The following LTBP2 variants were observed in gnomAD, a reference collection of about 807,000 sequenced individuals.
The protein encoded by LTBP2 is latent-transforming growth factor beta-binding protein 2.
In LTBP2, 103 loss-of-function variants were observed where a neutral mutation model predicts 210.6. That is an observed-to-expected ratio of 0.49 (90% CI 0.42 to 0.58). LTBP2 has a LOEUF of 0.58. LTBP2 is among the 20% of genes least tolerant of loss of function. The pLI, the probability that LTBP2 is intolerant of heterozygous loss-of-function variation, is 0.00. For missense variants in LTBP2, 2,313 were observed against 2,494.5 expected (o/e 0.93, Z 1.55); for synonymous variants, 1,007 against 1,015.0 (o/e 0.99, Z 0.15).
intron 2 of LTBP2, among the ~76,000 whole-genome samples, chr14:74,598,810 C>T (rs1005218988): frequency 1.1e-4 from 16 of 152,142 alleles, no homozygotes; most frequent in Admixed American, 7.9e-4. Context: ...CATTAAAATA[C>T]CAGCTAAACT....
At chr14:74,558,448 C>T (rs969987342) in intron 3 of LTBP2, among the ~76,000 whole-genome samples, 5 of 152,202 alleles carry the variant, frequency 3.3e-5, no homozygotes, top group Admixed American at 6.5e-5. Context: ...TCCAAGAAAG[C>T]GCCTGGGAGA....
intron 3 of LTBP2, among the ~76,000 whole-genome samples, chr14:74,571,006 T>C (rs1048388821): frequency 3.0e-4 from 45 of 149,052 alleles, no homozygotes; most frequent in Admixed American, 2.6e-3. Context: ...TACAGAACCA[T>C]GAACCAAATA....
chr14:74,501,093 C>T (rs986134120), intron 35 of LTBP2, 64 bp from the exon 36 acceptor site: 4 of 1,556,236 alleles, frequency 2.6e-6, no homozygotes, highest in Non-Finnish European at 3.5e-6. Flanking sequence ...GCCTCCACCT[C>T]TCTGGTTAGT....
At chr14:74,506,467 G>C (rs2086986465) in intron 27 of LTBP2, among the ~76,000 whole-genome samples, 1 of 152,230 alleles carries the variant, frequency 6.6e-6, no homozygotes, top group African/African-American at 2.4e-5. Context: ...GAGGCTCTGA[G>C]GCTTGAGGAC....
intron 2 of LTBP2, among the ~76,000 whole-genome samples, chr14:74,597,058 C>T (rs1400774082): frequency 6.6e-6 from 1 of 152,126 alleles, no homozygotes; most frequent in Non-Finnish European, 1.5e-5. Flanking sequence ...AATGCAAAAA[C>T]AAAATAGAAG....
At chr14:74,561,038 C>T (rs1197454269) in intron 3 of LTBP2, among the ~76,000 whole-genome samples, 1 of 152,176 alleles carries the variant, frequency 6.6e-6, no homozygotes, top group African/African-American at 2.4e-5. Context: ...AAGAGTGTTA[C>T]TAAAGATGCA....
chr14:74,604,177 A>AAAAAAAAAAAAAAAAAAAAAC (rs2088491132), intron 1 of LTBP2, among the ~76,000 whole-genome samples: 2 of 151,142 alleles, frequency 1.3e-5, no homozygotes, highest in African/African-American at 4.9e-5. Context: ...AAAAAAAAAA[A>AAAAAAAAAAAAAAAAAAAAAC]AAAAAAACCA....
Position 74,501,524 on chromosome 14 carries a change from C to T in LTBP2, c.5237G>A (p.Gly1746Asp). Residue 1746 changes from glycine to aspartate, a missense_variant, in exon 35 of 36, where the codon GGC (glycine) becomes GAC (aspartate). Transcript: ENST00000261978. Reference sequence around the variant, plus strand: ...GCCCTCCCGCACGCGCACACAGCGGCCATTCTCACAGCCGTTCAGGATGCC... The same window carrying T: ...GCCCTCCCGCACGCGCACACAGCGGTCATTCTCACAGCCGTTCAGGATGCC... ...ECGILNGCEN[G>D]RCVRVREGYT... The T allele has an allele frequency of 6.2e-7, 1 of 1,614,194 alleles. No homozygotes were observed. The highest frequency in any genetic ancestry group is 8.5e-7 in the Non-Finnish European group (1 of 1,180,048).
At chr14:74,522,964 G>T in intron 15 of LTBP2, 46 bp from the exon 16 acceptor site, 1 of 1,595,944 alleles carries the variant, frequency 6.3e-7, no homozygotes, top group South Asian at 1.1e-5. Context: ...GGTGGGTGCT[G>T]GACAAAGGCA....
intron 12 of LTBP2, 136 bp from the exon 13 acceptor site, chr14:74,527,502 A>C: frequency 2.1e-6 from 2 of 933,298 alleles, no homozygotes; most frequent in Non-Finnish European, 3.3e-6. Flanking sequence ...GAAAGCGTGG[A>C]CTCTTCTTAC....
intron 8 of LTBP2, among the ~76,000 whole-genome samples, chr14:74,540,223 A>G (rs1218959766): frequency 6.6e-6 from 1 of 152,180 alleles, no homozygotes; most frequent in Non-Finnish European, 1.5e-5. Flanking sequence ...CTGTAATCCC[A>G]GCACTTTTGG....
chr14:74,511,644 C>T (rs1049937088), intron 18 of LTBP2, among the ~76,000 whole-genome samples: 5 of 152,194 alleles, frequency 3.3e-5, no homozygotes, highest in Non-Finnish European at 1.5e-5. Context: ...TCAGAGGCTC[C>T]ACTTTGTGAG....
rs1183802428 is a variant in LTBP2, at chr14:74,611,923, G to C, written c.22C>G (p.Arg8Gly). MRPRTKA[R>G]SPGRALRNPW... ...TTCCGCAGGGCGCGCCCCGGGCTGC[G>C]GGCTTTGGTCCGCGGCCTCATGGCG... Residue 8 changes from arginine (R) to glycine (G), a missense_variant, in exon 1 of 36, where the codon CGC becomes GGC. Arg to Gly is a moderately radical substitution (Grantham distance 125, BLOSUM62 -2). This residue lies in a region of LTBP2 where 1,867 missense variants were observed against 1,976.9 expected (regional missense o/e 0.94). Coordinates refer to ENST00000261978, the MANE Select transcript of LTBP2 (RefSeq NM_000428.3). 1.9e-6 allele frequency: 3 copies of C among 1,589,754 alleles called. No individual in the cohort carries two copies. Among genetic ancestry groups the C allele is most frequent in the Non-Finnish European group, 2.6e-6 (3 of 1,172,140 alleles).
intron 17 of LTBP2, among the ~76,000 whole-genome samples, chr14:74,519,484 T>C (rs1011678723): frequency 2.0e-5 from 3 of 151,214 alleles, no homozygotes; most frequent in Non-Finnish European, 4.4e-5. Flanking sequence ...GTAAATAATT[T>C]ATCTTATTGA....
rs562333691 is a variant in LTBP2, at chr14:74,504,032, G to A, written c.4476C>T (p.Phe1492=). 6.7e-5 allele frequency: 108 copies of A among 1,613,994 alleles called. No homozygotes were observed. Among genetic ancestry groups the A allele is most frequent in the Admixed American group, 3.2e-4 (19 of 60,018 alleles). ...MYTDADECVI[F]GPGLCPNGRC... ...GGCCGTTCGGGCAGAGACCAGGCCC[G>A]AATATCACACACTCATCCGCATCTG... The change falls in exon 31 of 36, where the codon TTC becomes TTT. Residue 1492 remains phenylalanine, a synonymous_variant. Transcript: ENST00000261978.
intron 3 of LTBP2, among the ~76,000 whole-genome samples, chr14:74,566,082 A>T (rs1193927509): frequency 4.0e-5 from 6 of 149,062 alleles, no homozygotes; most frequent in African/African-American, 1.3e-4. Flanking sequence ...TTTTTTTTTT[A>T]ATTTTTTTTA....
chr14:74,529,141 G>A lies in LTBP2; in HGVS notation c.1988-19C>T, dbSNP rs542301495. 1.4e-5 allele frequency: 22 copies of A among 1,551,126 alleles called. No homozygotes were observed. In the East Asian group the frequency reaches 2.2e-4, roughly 15 times the overall value. On this transcript the variant is annotated intron_variant, in intron 10 of 35. Coordinates refer to ENST00000261978, the MANE Select transcript of LTBP2 (RefSeq NM_000428.3). Reference sequence around the variant, plus strand: ...TTGTCCGCTGCAACAGACACAGCACGTGGAGGTGGGCAGGTGGCCAGTGGG... The same window carrying A: ...TTGTCCGCTGCAACAGACACAGCACATGGAGGTGGGCAGGTGGCCAGTGGG...
rs760404952 is a variant in LTBP2 at position 74,552,975 on chromosome 14, GCA to G, written c.1107_1108del (p.Ala370GlnfsTer4). 2 of 1,614,010 alleles carry G rather than the reference GCA, an allele frequency of 1.2e-6. No individual in the cohort carries two copies. The highest frequency in any genetic ancestry group is 1.7e-6 in the Non-Finnish European group (2 of 1,180,002). ...GGTGTCGCCCCTCTCACAGCTGTTG[GCA>G]CAGTGTCCACGGGCACAGGTCTGCT... On this transcript the variant is annotated frameshift_variant, in exon 5 of 36. Coordinates refer to ENST00000261978, the MANE Select transcript of LTBP2 (RefSeq NM_000428.3). LOFTEE classifies it high-confidence loss of function.
intron 2 of LTBP2, among the ~76,000 whole-genome samples, chr14:74,602,487 G>T (rs1349225713): frequency 8.5e-5 from 13 of 152,306 alleles, no homozygotes; most frequent in Non-Finnish European, 5.9e-5. Context: ...CAGGGTACAG[G>T]TATTAAGAAG....
Sources: gnomAD v4.1 joint callset for allele counts (sites outside exome capture counted in the v4.1 genomes callset) on GRCh38, gnomAD v4.1.1 for gene constraint, gnomAD v4.1.1 regional missense constraint, MANE v1.5 for transcripts, NCBI Gene and HGNC (gene_info 2026-07-23, HGNC 2026-07-21) for gene names.